The following GUCY1A2 variants were observed in gnomAD, a reference collection of about 807,000 sequenced individuals.
GUCY1A2 encodes the protein guanylate cyclase soluble subunit alpha-2.
A neutral mutation model predicts 63.5 loss-of-function variants in GUCY1A2; 27 were observed. That is an observed-to-expected ratio of 0.43 (90% CI 0.31 to 0.59). The LOEUF is 0.59. GUCY1A2 is among the 20% of genes least tolerant of loss of function. The pLI, the probability that GUCY1A2 is intolerant of heterozygous loss-of-function variation, is 0.11. For synonymous variants in GUCY1A2, 364 were observed against 343.5 expected (o/e 1.06, Z -0.66); for missense variants, 768 against 913.3 (o/e 0.84, Z 2.05).
At chr11:106,955,752 G>C (rs1444591897) in intron 3 of GUCY1A2, among the ~76,000 whole-genome samples, 9 of 151,990 alleles carry the variant, frequency 5.9e-5, no homozygotes, top group Admixed American at 1.3e-4. Flanking sequence ...TTTGACCTTG[G>C]AGAAACTGAT....
intron 6 of GUCY1A2, among the ~76,000 whole-genome samples, chr11:106,723,033 G>T (rs1271513242): frequency 1.3e-5 from 2 of 152,128 alleles, no homozygotes; most frequent in African/African-American, 2.4e-5. Flanking sequence ...TATTAAAATA[G>T]TTATTTTGAT....
chr11:107,005,697 T>G (rs12286399), intron 1 of GUCY1A2, among the ~76,000 whole-genome samples: 4,324 of 152,302 alleles, frequency 0.028, 197 homozygotes, highest in African/African-American at 0.094. Context: ...CTGTCTGAAT[T>G]AATGAATGAA....
chr11:106,993,571 T>C (rs1025471560), intron 1 of GUCY1A2, among the ~76,000 whole-genome samples: 13 of 152,138 alleles, frequency 8.5e-5, no homozygotes, highest in African/African-American at 3.1e-4. Flanking sequence ...TATAGAACTT[T>C]GAGTCAGGAC....
chr11:106,691,619 T>C (rs1214054743), intron 7 of GUCY1A2, among the ~76,000 whole-genome samples: 1 of 152,210 alleles, frequency 6.6e-6, no homozygotes, highest in Non-Finnish European at 1.5e-5. Context: ...ATGTCAGAAC[T>C]TTTAAATAAT....
chr11:106,771,362 CA>C lies in GUCY1A2; in HGVS notation c.1836+5076del, dbSNP rs779126648. ...ACAAGATTAGAGAACTAAAGTAATA[CA>C]TTTCTCTGGTGAATTCACAATATAG... is the stretch of plus-strand genomic sequence containing the variant. On this transcript the variant is annotated intron_variant, in intron 6 of 7. Coordinates refer to ENST00000526355, the MANE Select transcript of GUCY1A2 (RefSeq NM_000855.3). Among the ~76,000 whole-genome samples the C allele has an allele frequency of 3.2e-4, 49 of 152,308 alleles. 1 individual carries two copies. Among genetic ancestry groups the C allele is most frequent in the Middle Eastern group, 6.8e-3 (2 of 294 alleles).
chr11:106,929,548 T>C (rs1860573926), intron 4 of GUCY1A2, among the ~76,000 whole-genome samples: 1 of 152,188 alleles, frequency 6.6e-6, no homozygotes, highest in Admixed American at 6.5e-5. Context: ...AAAATGTTTA[T>C]AATATGGATA....
At chr11:106,916,003 G>A (rs1228181151) in intron 4 of GUCY1A2, among the ~76,000 whole-genome samples, 2 of 144,590 alleles carry the variant, frequency 1.4e-5, no homozygotes, top group Non-Finnish European at 3.1e-5. Flanking sequence ...GGGGAACAAG[G>A]GAAAGTAAGG....
chr11:106,758,001 C>G (rs1372727995), intron 6 of GUCY1A2, among the ~76,000 whole-genome samples: 1 of 152,226 alleles, frequency 6.6e-6, no homozygotes, highest in Admixed American at 6.5e-5. Flanking sequence ...AGGGTTTTAT[C>G]TATAATTCCC....
At chr11:106,872,173 T>G (rs1859688365) in intron 4 of GUCY1A2, among the ~76,000 whole-genome samples, 1 of 152,106 alleles carries the variant, frequency 6.6e-6, no homozygotes, top group Non-Finnish European at 1.5e-5. Flanking sequence ...TGAACAAGAA[T>G]AAATGTAAAA....
chr11:106,746,132 TATCAG>T lies in GUCY1A2; in HGVS notation c.1836+30302_1836+30306del, dbSNP rs746982671. The stretch of plus-strand genomic sequence containing the variant: ...GAAAGCCACTGGAATCTGGGGAGCA[TATCAG>T]TGGCTAGCACCCAAGAGATGATCAA... On this transcript the variant is annotated intron_variant, in intron 6 of 7. Coordinates refer to ENST00000526355, the MANE Select transcript of GUCY1A2 (RefSeq NM_000855.3). Among the ~76,000 whole-genome samples the T allele has an allele frequency of 9.5e-3, 1,442 of 152,098 alleles. 10 individuals carry two copies. The highest frequency in any genetic ancestry group is 0.014 in the Non-Finnish European group (981 of 68,000).
chr11:106,761,271 TA>T (rs1465174536), intron 6 of GUCY1A2, among the ~76,000 whole-genome samples: 1 of 152,192 alleles, frequency 6.6e-6, no homozygotes, highest in Non-Finnish European at 1.5e-5. Context: ...TTCCAACTTT[TA>T]AAAGCTTACA....
chr11:106,789,088 T>G (rs1051599798), intron 5 of GUCY1A2, among the ~76,000 whole-genome samples: 2 of 152,288 alleles, frequency 1.3e-5, no homozygotes, highest in Admixed American at 6.5e-5. Flanking sequence ...TATATTTCCA[T>G]TTTTTGTGTC....
intron 3 of GUCY1A2, among the ~76,000 whole-genome samples, chr11:106,973,686 A>G (rs1208532177): frequency 1.3e-5 from 2 of 152,116 alleles, no homozygotes; most frequent in African/African-American, 4.8e-5. Flanking sequence ...TCAGACTGAA[A>G]TGAATTTAAA....
At chr11:106,722,546 C>CAGT (rs1172448150) in intron 6 of GUCY1A2, among the ~76,000 whole-genome samples, 1 of 151,812 alleles carries the variant, frequency 6.6e-6, no homozygotes, top group Non-Finnish European at 1.5e-5. Flanking sequence ...AACCATGAAC[C>CAGT]AGTAAATCTA....
chr11:106,697,339 A>C (rs976080944), intron 7 of GUCY1A2, among the ~76,000 whole-genome samples: 13 of 152,244 alleles, frequency 8.5e-5, no homozygotes, highest in African/African-American at 2.9e-4. Flanking sequence ...TTCACACAAA[A>C]GAGCAGTGGG....
intron 4 of GUCY1A2, among the ~76,000 whole-genome samples, chr11:106,907,515 G>T (rs974651837): frequency 4.0e-5 from 6 of 151,894 alleles, no homozygotes; most frequent in African/African-American, 1.4e-4. Flanking sequence ...TTAACTCGTC[G>T]TTTAGCATTA....
intron 4 of GUCY1A2, among the ~76,000 whole-genome samples, chr11:106,878,695 T>C (rs1245223452): frequency 6.7e-6 from 1 of 149,696 alleles, no homozygotes; most frequent in African/African-American, 2.5e-5. Flanking sequence ...TAATACATGG[T>C]CAAGAAAATA....
rs1437612013 is a variant in GUCY1A2, at chr11:106,896,489, A to G, written c.1206+42971T>C. On this transcript the variant is annotated intron_variant, in intron 4 of 7. Coordinates refer to ENST00000526355, the MANE Select transcript of GUCY1A2 (RefSeq NM_000855.3). ...AATAATAAAGGGAAATAAAATTACTATGGTTTGAATAATGTGGTCCTCTCC... is the reference window on the plus strand; with the variant it reads ...AATAATAAAGGGAAATAAAATTACTGTGGTTTGAATAATGTGGTCCTCTCC... Among the ~76,000 whole-genome samples the G allele has an allele frequency of 2.0e-5, 3 of 152,170 alleles. No individual in the cohort carries two copies. In the East Asian group the frequency reaches 5.8e-4, roughly 29 times the overall value.
At chr11:106,789,949 G>T (rs1864628832) in intron 5 of GUCY1A2, among the ~76,000 whole-genome samples, 1 of 152,032 alleles carries the variant, frequency 6.6e-6, no homozygotes, top group Admixed American at 6.5e-5. Context: ...TGCTGGGTCA[G>T]ACCTAAAGCC....
Sources: allele counts gnomAD v4.1 joint callset (sites outside exome capture counted in the v4.1 genomes callset), GRCh38; gene constraint gnomAD v4.1.1; transcripts MANE v1.5; gene names NCBI Gene and HGNC (gene_info 2026-07-23, HGNC 2026-07-21).